The following APBA2 variants were observed in gnomAD, a reference collection of about 807,000 sequenced individuals.
APBA2 encodes the protein amyloid-beta A4 precursor protein-binding family A member 2.
In APBA2, 30 loss-of-function variants were observed where a neutral mutation model predicts 75.0. The ratio of observed to expected loss-of-function variants is 0.40; its 90% CI spans 0.30 to 0.54. APBA2 has a LOEUF of 0.54. APBA2 is among the 20% of genes least tolerant of loss of function. The pLI is 0.49. For synonymous variants in APBA2, 444 were observed against 409.6 expected (o/e 1.08, Z -1.01); for missense variants, 801 against 1,016.1 (o/e 0.79, Z 2.88).
intron 14 of APBA2, among the ~76,000 whole-genome samples, chr15:29,115,749 C>T (rs1157124131): frequency 6.6e-6 from 1 of 152,196 alleles, no homozygotes; most frequent in Non-Finnish European, 1.5e-5. Context: ...ATGGAGGAAG[C>T]CCCTGCCGGG....
chr15:29,047,334 G>T (rs535831149), intron 3 of APBA2, among the ~76,000 whole-genome samples: 1 of 152,270 alleles, frequency 6.6e-6, no homozygotes, highest in Non-Finnish European at 1.5e-5. Flanking sequence ...CTCAGGAAAA[G>T]AGCTGCCATT....
intron 3 of APBA2, among the ~76,000 whole-genome samples, chr15:29,005,022 G>A (rs2039040716): frequency 6.6e-6 from 1 of 152,064 alleles, no homozygotes; most frequent in Admixed American, 6.5e-5. Flanking sequence ...ATGGTTTTTG[G>A]TGGATCCTGC....
intron 2 of APBA2, among the ~76,000 whole-genome samples, chr15:28,933,523 G>A (rs1403325826): frequency 2.0e-5 from 3 of 152,224 alleles, no homozygotes; most frequent in African/African-American, 2.4e-5. Context: ...AATGGAATAA[G>A]ACTCCCTTCA....
intron 4 of APBA2, among the ~76,000 whole-genome samples, chr15:29,066,747 AAAG>A (rs1427281676): frequency 2.0e-5 from 3 of 152,094 alleles, no homozygotes; most frequent in Non-Finnish European, 2.9e-5. Context: ...TAAATAAAGA[AAAG>A]AAGAGGTTTT....
At chr15:28,984,410 C>T (rs547477677) in intron 2 of APBA2, among the ~76,000 whole-genome samples, 1 of 152,228 alleles carries the variant, frequency 6.6e-6, no homozygotes, top group Non-Finnish European at 1.5e-5. Flanking sequence ...AGAACCTAGG[C>T]TTAGTGTCAC....
intron 6 of APBA2, among the ~76,000 whole-genome samples, chr15:29,077,107 C>T (rs1308006626): frequency 1.3e-5 from 2 of 152,140 alleles, no homozygotes; most frequent in East Asian, 3.9e-4. Context: ...CCATTTTGAC[C>T]AATTCAGATA....
intron 2 of APBA2, among the ~76,000 whole-genome samples, chr15:28,975,011 G>T (rs2037259670): frequency 6.6e-6 from 1 of 152,082 alleles, no homozygotes. Flanking sequence ...AGCTAATCAT[G>T]AAGGGGAGAG....
intron 6 of APBA2, among the ~76,000 whole-genome samples, chr15:29,090,039 C>T (rs1489279229): frequency 6.6e-6 from 1 of 152,176 alleles, no homozygotes; most frequent in Non-Finnish European, 1.5e-5. Flanking sequence ...CTGATATACT[C>T]CCCACACCAT....
chr15:28,922,552 T>C (rs2034028562), intron 2 of APBA2, among the ~76,000 whole-genome samples: 1 of 152,174 alleles, frequency 6.6e-6, no homozygotes, highest in Non-Finnish European at 1.5e-5. Flanking sequence ...CAGTGCACAA[T>C]GGGGCCACAG....
At chr15:29,045,143 T>C (rs1222808876) in intron 3 of APBA2, among the ~76,000 whole-genome samples, 1 of 148,250 alleles carries the variant, frequency 6.7e-6, no homozygotes. Flanking sequence ...AATGGCGTGA[T>C]CTCGGCTCAC....
At chr15:28,948,390 A>G (rs2035664156) in intron 2 of APBA2, among the ~76,000 whole-genome samples, 1 of 151,736 alleles carries the variant, frequency 6.6e-6, no homozygotes, top group African/African-American at 2.4e-5. Context: ...GGAAAAAAAA[A>G]AAAATTAAAA....
intron 3 of APBA2, among the ~76,000 whole-genome samples, chr15:29,043,987 A>G (rs2041180363): frequency 6.6e-6 from 1 of 152,258 alleles, no homozygotes; most frequent in African/African-American, 2.4e-5. Flanking sequence ...CACATCATGT[A>G]TAGTGTATAG....
intron 4 of APBA2, among the ~76,000 whole-genome samples, chr15:29,057,575 T>C (rs1429767764): frequency 6.6e-6 from 1 of 152,246 alleles, no homozygotes; most frequent in Non-Finnish European, 1.5e-5. Flanking sequence ...TACGTAGCTG[T>C]CATCATAACC....
intron 2 of APBA2, among the ~76,000 whole-genome samples, chr15:28,994,872 C>T (rs974184132): frequency 2.0e-5 from 3 of 152,226 alleles, no homozygotes; most frequent in African/African-American, 7.2e-5. Context: ...TCCAGCAGCG[C>T]AGCCATTCGT....
At chr15:29,101,920 T>G (rs2044148334) in intron 10 of APBA2, 136 bp downstream of exon 10, 1 of 870,106 alleles carries the variant, frequency 1.1e-6, no homozygotes, top group Non-Finnish European at 1.9e-6. Context: ...GGATCAGTGA[T>G]CTTTTGCATA....
intron 2 of APBA2, among the ~76,000 whole-genome samples, chr15:28,943,905 T>G (rs1348719791): frequency 6.6e-6 from 1 of 152,164 alleles, no homozygotes; most frequent in Admixed American, 6.5e-5. Flanking sequence ...GGGCCCCCTT[T>G]GTCCTGCTTG....
chr15:29,087,592 G>A (rs1292617411), intron 6 of APBA2, among the ~76,000 whole-genome samples: 2 of 152,166 alleles, frequency 1.3e-5, no homozygotes, highest in East Asian at 3.9e-4. Flanking sequence ...CATATTATAG[G>A]GTCACCTTCA....
chr15:28,978,488 G>A (rs1192843516), intron 2 of APBA2, among the ~76,000 whole-genome samples: 1 of 152,234 alleles, frequency 6.6e-6, no homozygotes, highest in African/African-American at 2.4e-5. Flanking sequence ...TAGGACAGAA[G>A]GAAGAGAAAG....
chr15:28,982,812 GCAGGGCTGCCTA>G (rs1407452392), intron 2 of APBA2, among the ~76,000 whole-genome samples: 1 of 152,232 alleles, frequency 6.6e-6, no homozygotes, highest in East Asian at 1.9e-4. Flanking sequence ...GGGGGACCTG[GCAGGGCTGCCTA>G]CAGGGCTGGT....
Sources: allele counts gnomAD v4.1 joint callset (sites outside exome capture counted in the v4.1 genomes callset), GRCh38; gene constraint gnomAD v4.1.1; transcripts MANE v1.5; gene names NCBI Gene and HGNC (gene_info 2026-07-23, HGNC 2026-07-21).